ANKRD11: variants seen among roughly 807,000 people sequenced by gnomAD.
The protein encoded by ANKRD11 is ankyrin repeat domain 11, also known as ankyrin repeat domain-containing protein 11.
Under a neutral mutation model 195.7 loss-of-function variants are expected in ANKRD11, and 17 were observed. That is an observed-to-expected ratio of 0.09 (90% CI 0.06 to 0.13). The LOEUF is 0.13. Ranked by LOEUF, ANKRD11 falls within the 10% of genes least tolerant of loss-of-function variation. ANKRD11 has a pLI of 1.00. For missense variants in ANKRD11, 3,735 were observed against 3,566.1 expected (o/e 1.05, Z -1.21); for synonymous variants, 1,953 against 1,528.1 (o/e 1.28, Z -6.49).
intron 11 of ANKRD11, 51 bp downstream of exon 11, chr16:89,274,763 G>T (rs781616497): frequency 6.9e-6 from 11 of 1,601,304 alleles, no homozygotes; most frequent in Middle Eastern, 2.2e-4. Context: ...GGGGAGGCGG[G>T]CAGGGTGCAG....
chr16:89,349,027 C>G (rs1249410888), intron 2 of ANKRD11, among the ~76,000 whole-genome samples: 4 of 145,816 alleles, frequency 2.7e-5, no homozygotes, highest in African/African-American at 1.0e-4. Context: ...ACTCAGGAGG[C>G]TGAGGCAGGA....
At chr16:89,337,331 A>G (rs1357937200) in intron 2 of ANKRD11, among the ~76,000 whole-genome samples, 1 of 151,070 alleles carries the variant, frequency 6.6e-6, no homozygotes, top group Non-Finnish European at 1.5e-5. Flanking sequence ...GACCAAGCCC[A>G]GCTGAGCACT....
intron 1 of ANKRD11, among the ~76,000 whole-genome samples, chr16:89,441,777 A>AAC (rs1222099739): frequency 2.9e-5 from 3 of 104,458 alleles, no homozygotes; most frequent in African/African-American, 5.6e-5. Context: ...CAAAAAAAAA[A>AAC]AAAAAAAAAA....
At chr16:89,402,376 T>C (rs2041730452) in intron 2 of ANKRD11, among the ~76,000 whole-genome samples, 1 of 152,146 alleles carries the variant, frequency 6.6e-6, no homozygotes, top group Non-Finnish European at 1.5e-5. Flanking sequence ...TGAGCGCTTA[T>C]TTAAATCGGT....
chr16:89,397,655 G>C (rs2041502740), intron 2 of ANKRD11, among the ~76,000 whole-genome samples: 1 of 152,254 alleles, frequency 6.6e-6, no homozygotes, highest in African/African-American at 2.4e-5. Flanking sequence ...GGAAGGGTAA[G>C]ACACAGTTCC....
chr16:89,338,456 T>C (rs11861832), intron 2 of ANKRD11, among the ~76,000 whole-genome samples: 27 of 148,514 alleles, frequency 1.8e-4, no homozygotes, highest in African/African-American at 6.0e-4. Context: ...GACCAGGCGC[T>C]GTGGCTCACA....
At chr16:89,364,067 AACAC>A (rs58145428) in intron 2 of ANKRD11, among the ~76,000 whole-genome samples, 3 of 150,536 alleles carry the variant, frequency 2.0e-5, no homozygotes, top group Admixed American at 1.3e-4. Flanking sequence ...GCTGATTTAA[AACAC>A]ACACACACAC....
intron 2 of ANKRD11, among the ~76,000 whole-genome samples, chr16:89,359,970 G>T (rs376855964): frequency 4.0e-5 from 6 of 151,252 alleles, no homozygotes; most frequent in East Asian, 1.9e-4. Context: ...GGCAGTGGGC[G>T]GGGGGGGAGG....
intron 3 of ANKRD11, among the ~76,000 whole-genome samples, chr16:89,308,533 T>C (rs2151889204): frequency 6.6e-6 from 1 of 152,130 alleles, no homozygotes; most frequent in Middle Eastern, 3.4e-3. Context: ...ATCAGGAAAA[T>C]GCAAATGACA....
chr16:89,304,655 C>G (rs532479304), intron 4 of ANKRD11, among the ~76,000 whole-genome samples: 1 of 151,680 alleles, frequency 6.6e-6, no homozygotes, highest in Non-Finnish European at 1.5e-5. Flanking sequence ...CACAGATACA[C>G]GGGCATGTGC....
At chr16:89,360,766 G>A (rs1390541738) in intron 2 of ANKRD11, 1 of 152,206 alleles carries the variant, frequency 6.6e-6, no homozygotes, top group Non-Finnish European at 1.5e-5. Context: ...AAGAGGAGAA[G>A]AAAAGATTTC....
chr16:89,423,964 A>T (rs557334807), intron 1 of ANKRD11, among the ~76,000 whole-genome samples: 1 of 152,276 alleles, frequency 6.6e-6, no homozygotes, highest in East Asian at 1.9e-4. Flanking sequence ...ACAACCTTGT[A>T]AGCGGGTAAG....
At position 89,313,205 on chromosome 16, in the gene ANKRD11, GCT is replaced by G. The variant is rs535250037; in HGVS notation, c.87+3726_87+3727del. ...CTCAGGGGGCTGTGAGGCTGCCTGT[GCT>G]CTGAGTGGCGTGCATGGAGCACAAT... On this transcript the variant is annotated intron_variant, in intron 3 of 12. Transcript: ENST00000301030. 2.0e-4 allele frequency: 222 copies of G among 1,126,550 alleles called. 1 individual carries two copies. In the South Asian group the frequency reaches 3.1e-3, roughly 16 times the overall value. 69.8% of individuals were successfully genotyped at this position (1,126,550 alleles called of 1,614,324 possible).
rs76002370 is a variant in ANKRD11, at chr16:89,358,508, G to A, written c.-59-41430C>T. Among the ~76,000 whole-genome samples, 17 of 152,284 alleles carry A rather than the reference G, an allele frequency of 1.1e-4. No homozygotes were observed. The East Asian group carries it at 2.9e-3, about 26-fold the overall frequency. On this transcript the variant is annotated intron_variant, in intron 2 of 12. Coordinates refer to ENST00000301030, the MANE Select transcript of ANKRD11 (RefSeq NM_013275.6). ...AACTAGTTGAGAAGATGGATACCCCGTTTTCCATGATATCATCACTACGCA... is the reference window on the plus strand; with the variant it reads ...AACTAGTTGAGAAGATGGATACCCCATTTTCCATGATATCATCACTACGCA...
chr16:89,307,620 C>T (rs2036366281), intron 3 of ANKRD11, among the ~76,000 whole-genome samples: 1 of 152,240 alleles, frequency 6.6e-6, no homozygotes, highest in Admixed American at 6.5e-5. Flanking sequence ...CCCACCCCAG[C>T]AGTGCAGGTC....
At chr16:89,341,619 A>T (rs1466859985) in intron 2 of ANKRD11, among the ~76,000 whole-genome samples, 1 of 152,244 alleles carries the variant, frequency 6.6e-6, no homozygotes, top group Non-Finnish European at 1.5e-5. Flanking sequence ...CACCCCATCC[A>T]GCCCATAAAT....
At chr16:89,441,426 C>T (rs2043461038) in intron 1 of ANKRD11, among the ~76,000 whole-genome samples, 1 of 151,892 alleles carries the variant, frequency 6.6e-6, no homozygotes, top group African/African-American at 2.4e-5. Flanking sequence ...CATCACCCAG[C>T]AACAAAAGCA....
At chr16:89,424,451 AAAG>A (rs922841223) in intron 1 of ANKRD11, among the ~76,000 whole-genome samples, 2 of 151,364 alleles carry the variant, frequency 1.3e-5, no homozygotes, top group African/African-American at 2.4e-5. Flanking sequence ...CAAAAAAAAA[AAAG>A]AGAGAGAAAG....
At chr16:89,324,291 C>G (rs564253552) in intron 2 of ANKRD11, 1 of 1,259,022 alleles carries the variant, frequency 7.9e-7, no homozygotes, top group Admixed American at 2.4e-5. Context: ...CTCCGGAACA[C>G]GGACCACCCG....
Sources: allele counts gnomAD v4.1 joint callset (sites outside exome capture counted in the v4.1 genomes callset), GRCh38; gene constraint gnomAD v4.1.1; transcripts MANE v1.5; gene names NCBI Gene and HGNC (gene_info 2026-07-23, HGNC 2026-07-21).